Variants in ARHGEF17 observed in about 807,000 individuals in gnomAD.
ARHGEF17 encodes the protein 164 kDa Rho-specific guanine-nucleotide exchange factor.
Under a neutral mutation model 174.0 loss-of-function variants are expected in ARHGEF17, and 80 were observed. The observed-to-expected ratio is 0.46, with a 90% CI of 0.38 to 0.55. The LOEUF is 0.55. ARHGEF17 is among the 20% of genes least tolerant of loss of function. The pLI, the probability that ARHGEF17 is intolerant of heterozygous loss-of-function variation, is 0.00. For synonymous variants in ARHGEF17, 1,311 were observed against 1,189.1 expected (o/e 1.10, Z -2.11); for missense variants, 2,886 against 2,839.7 (o/e 1.02, Z -0.37).
Position 73,309,515 on chromosome 11 carries a change from C to T in ARHGEF17, c.877C>T (p.Pro293Ser), listed in dbSNP as rs1210687428. ...GGGCGGCCACCGCTGGGGAGGGAGG[C>T]CCGGGCTCAGGCCTGGAAGCTCCCT... ...GEGGHRWGGRPGLRPGSSLLD... is the reference protein window; with the variant it reads ...GEGGHRWGGRSGLRPGSSLLD... The change falls in exon 1 of 21, where the codon CCC becomes TCC. Residue 293 changes from proline (P) to serine (S), a missense_variant. Physicochemically the swap from Pro to Ser is moderately conservative, Grantham distance 74 (BLOSUM62 -1). Transcript: ENST00000263674. 5 of 1,561,584 alleles carry T rather than the reference C, an allele frequency of 3.2e-6. No homozygotes were observed. The highest frequency in any genetic ancestry group is 2.3e-5 in the East Asian group (1 of 44,072).
chr11:73,310,917 T>C lies in ARHGEF17; in HGVS notation c.2279T>C (p.Leu760Pro). Residue 760 changes from leucine to proline, a missense_variant, in exon 1 of 21, where the codon CTG (leucine) becomes CCG (proline). Physicochemically the swap from Leu to Pro is moderately conservative, Grantham distance 98 (BLOSUM62 -3). Around this residue, in one of 4 missense-constraint regions of ARHGEF17, gnomAD observed 1,728 missense variants for 1,461.2 expected, o/e 1.18. Coordinates refer to ENST00000263674, the MANE Select transcript of ARHGEF17 (RefSeq NM_014786.4). Reference sequence around the variant, plus strand: ...GGGTTCTCTGTGGACAGCAACCTCCTGGGCTCACTGAGCCCCAAGACAGGG... The same window carrying C: ...GGGTTCTCTGTGGACAGCAACCTCCCGGGCTCACTGAGCCCCAAGACAGGG... ...PTGFSVDSNL[L>P]GSLSPKTGLP... is the part of the protein sequence containing the mutation. 6.2e-7 allele frequency: 1 copy of C among 1,613,854 alleles called. No homozygotes were observed. The highest frequency in any genetic ancestry group is 8.5e-7 in the Non-Finnish European group (1 of 1,179,930).
chr11:73,356,905 G>C lies in ARHGEF17; in HGVS notation c.3892-120G>C. On this transcript the variant is annotated intron_variant, in intron 7 of 20. Transcript: ENST00000263674. ...GTCCCCACTCTGCTCTGACTCTCTG[G>C]GAAGCTGGGGAAGAGCCCTCACTCT... 2.0e-6 allele frequency: 3 copies of C among 1,479,512 alleles called. No individual in the cohort carries two copies. In the Middle Eastern group the frequency reaches 5.2e-4, roughly 255 times the overall value. The allele number at this position is 1,479,512 out of a possible 1,614,324, so 91.6% of individuals were successfully genotyped here. A position where few individuals can be genotyped will look rare whatever the true frequency, so the allele number is the denominator to read the frequency against.
intron 9 of ARHGEF17, among the ~76,000 whole-genome samples, 160 bp from the exon 10 acceptor site, chr11:73,359,674 C>T (rs1246314845): frequency 6.6e-6 from 1 of 152,248 alleles, no homozygotes; most frequent in Admixed American, 6.5e-5. Flanking sequence ...AGGGAGCTGC[C>T]TGTTAACTTT....
rs1304378514 is a variant in ARHGEF17, at chr11:73,309,417, A to T, written c.779A>T (p.Gln260Leu). Residue 260 changes from glutamine (Q) to leucine (L), a missense_variant, in exon 1 of 21, where the codon CAG (glutamine) becomes CTG (leucine). Physicochemically the swap from Gln to Leu is moderately radical, Grantham distance 113. This residue lies in a region of ARHGEF17 where 1,728 missense variants were observed against 1,461.2 expected (regional missense o/e 1.18). Coordinates refer to ENST00000263674, the MANE Select transcript of ARHGEF17 (RefSeq NM_014786.4). ...GAGGAGGAAGAGGAGGGCCCGCCGC[A>T]GCTGCCTGGAGCCCAGAGTCCGGCC... Reference protein sequence around the residue: ...SSEEEEEGPPQLPGAQSPAYH... With the variant: ...SSEEEEEGPPLLPGAQSPAYH... The T allele has an allele frequency of 1.9e-6, 3 of 1,546,164 alleles. No homozygotes were observed. The highest frequency in any genetic ancestry group is 2.6e-6 in the Non-Finnish European group (3 of 1,144,040).
intron 1 of ARHGEF17, among the ~76,000 whole-genome samples, chr11:73,323,139 C>T (rs1266844461): frequency 1.3e-5 from 2 of 152,140 alleles, no homozygotes; most frequent in African/African-American, 4.8e-5. Context: ...CCCTGCCTCT[C>T]AGGGGGGTCC....
chr11:73,356,247 C>T lies in ARHGEF17; in HGVS notation c.3736C>T (p.Gln1246Ter). 1 of 1,613,932 alleles carries T rather than the reference C, an allele frequency of 6.2e-7. No homozygotes were observed. Among genetic ancestry groups the T allele is most frequent in the Non-Finnish European group, 8.5e-7 (1 of 1,180,038 alleles). Residue 1246 changes from glutamine to a stop codon, truncating the protein, a stop_gained, in exon 6 of 21, where the codon CAG (glutamine) becomes TAG (stop). Coordinates refer to ENST00000263674, the MANE Select transcript of ARHGEF17 (RefSeq NM_014786.4). LOFTEE classifies it high-confidence loss of function. ...LLLEAQRNIKQVAERINKGVR... is the reference protein window; with the variant it reads ...LLLEAQRNIK ...GCTGGAGGCGCAGCGGAACATCAAG[C>T]AGGTGGCTGAGCGCATCAACAAGGG...
At chr11:73,333,396 A>G (rs1865240719) in intron 1 of ARHGEF17, among the ~76,000 whole-genome samples, 2 of 152,240 alleles carry the variant, frequency 1.3e-5, no homozygotes, top group African/African-American at 4.8e-5. Context: ...ACACGTAACT[A>G]TCGCTGTCCA....
chr11:73,357,666 G>C (rs910866137), intron 9 of ARHGEF17, among the ~76,000 whole-genome samples: 1 of 152,246 alleles, frequency 6.6e-6, no homozygotes, highest in African/African-American at 2.4e-5. Context: ...ATGTTGCACT[G>C]TCTGGTTCAG....
chr11:73,341,637 A>G (rs1377518968), intron 1 of ARHGEF17, among the ~76,000 whole-genome samples: 9 of 152,218 alleles, frequency 5.9e-5, no homozygotes, highest in African/African-American at 2.2e-4. Flanking sequence ...GGAAAAGAAA[A>G]AGCATTACTA....
intron 2 of ARHGEF17, among the ~76,000 whole-genome samples, chr11:73,349,115 T>A (rs1009194865): frequency 2.6e-5 from 4 of 152,156 alleles, no homozygotes; most frequent in African/African-American, 4.8e-5. Flanking sequence ...GCAGCCAGAA[T>A]GCCAGGCAGG....
Position 73,363,190 on chromosome 11 carries a change from C to G in ARHGEF17, c.4997-16C>G. On this transcript the variant is annotated splice_polypyrimidine_tract_variant and intron_variant, in intron 14 of 20. Transcript: ENST00000263674. ...TGGCAGAGGGAAATGGAGACAGAGA[C>G]CTTTGTCTCCCTCAGATGAGGAGAC... The G allele has an allele frequency of 6.6e-7, 1 of 1,525,960 alleles. No homozygotes were observed. The highest frequency in any genetic ancestry group is 2.3e-5 in the East Asian group (1 of 43,296). 94.5% of individuals were successfully genotyped at this position (1,525,960 alleles called of 1,614,324 possible).
At chr11:73,317,528 G>C (rs1864948534) in intron 1 of ARHGEF17, among the ~76,000 whole-genome samples, 1 of 152,234 alleles carries the variant, frequency 6.6e-6, no homozygotes, top group Non-Finnish European at 1.5e-5. Flanking sequence ...AGCAGGGTGG[G>C]GGAAGGGGGA....
Position 73,310,859 on chromosome 11 carries a change from C to T in ARHGEF17, c.2221C>T (p.Arg741Cys), listed in dbSNP as rs752637290. The change falls in exon 1 of 21, where the codon CGC becomes TGC. Residue 741 changes from arginine (R) to cysteine (C), a missense_variant. Transcript: ENST00000263674. Reference protein sequence around the residue: ...YRSLSDPIPQRHRAATSEEPT... With the variant: ...YRSLSDPIPQCHRAATSEEPT... The stretch of plus-strand genomic sequence containing the variant: ...GTCCCTGAGTGACCCAATTCCTCAG[C>T]GCCACCGGGCTGCCACCTCTGAAGA... 2.4e-5 allele frequency: 38 copies of T among 1,611,706 alleles called. No homozygotes were observed. In the East Asian group the frequency reaches 4.0e-4, roughly 17 times the overall value.
Position 73,310,750 on chromosome 11 carries a change from T to A in ARHGEF17, c.2112T>A (p.Gly704=). Residue 704 remains glycine (G), a synonymous_variant, in exon 1 of 21, where the codon GGT becomes GGA. Transcript: ENST00000263674. ...CGCCTGAGACCCCTCCCACACCAGG[T>A]GCCCTCCGCCGACGACGCAAAGTCC... ...LVSPETPPTP[G]ALRRRRKVPP... is the part of the protein sequence containing the mutation. 6.2e-7 allele frequency: 1 copy of A among 1,611,336 alleles called. No individual in the cohort carries two copies.
chr11:73,364,789 A>G (rs1865808815), intron 18 of ARHGEF17, 189 bp downstream of exon 18: 2 of 685,888 alleles, frequency 2.9e-6, no homozygotes, highest in African/African-American at 1.8e-5. Flanking sequence ...CTGATGAGGA[A>G]TACAGTAAGT....
chr11:73,310,389 C>G lies in ARHGEF17; in HGVS notation c.1751C>G (p.Pro584Arg). The G allele has an allele frequency of 6.2e-7, 1 of 1,613,930 alleles. No individual in the cohort carries two copies. Among genetic ancestry groups the G allele is most frequent in the African/African-American group, 1.3e-5 (1 of 75,064 alleles). Residue 584 changes from proline to arginine, a missense_variant, in exon 1 of 21, where the codon CCC becomes CGC. By Grantham distance (103) the Pro-to-Arg change is moderately radical (BLOSUM62 -2). Transcript: ENST00000263674. ...TGPGAEEDPL[P>R]LIVQDQYVQE... ...CCTGGTGCCGAGGAGGATCCGCTGCCCCTCATCGTCCAGGACCAATATGTG... is the reference window on the plus strand; with the variant it reads ...CCTGGTGCCGAGGAGGATCCGCTGCGCCTCATCGTCCAGGACCAATATGTG...
chr11:73,320,628 C>CAAAA (rs1165583721), intron 1 of ARHGEF17, among the ~76,000 whole-genome samples: 12 of 57,630 alleles, frequency 2.1e-4, no homozygotes, highest in African/African-American at 4.4e-4. Context: ...GACTCCGTCT[C>CAAAA]AAAAAAAAAA....
chr11:73,357,440 G>A lies in ARHGEF17; in HGVS notation c.4087+113G>A, dbSNP rs1220715933. The stretch of plus-strand genomic sequence containing the variant: ...CTGTCCAGCTGCTTTTCCACTTTTG[G>A]GCCTCGCTCTCTCATCCAGTGCAAG... On this transcript the variant is annotated intron_variant, in intron 9 of 20. Transcript: ENST00000263674. The A allele has an allele frequency of 5.0e-6, 5 of 990,496 alleles. No individual in the cohort carries two copies. In the South Asian group the frequency reaches 6.5e-5, roughly 13 times the overall value. The allele number at this position is 990,496 out of a possible 1,614,324, so 61.4% of individuals were successfully genotyped here.
Position 73,364,168 on chromosome 11 carries a change from C to T in ARHGEF17, c.5334-4C>T. On this transcript the variant is annotated splice_region_variant and splice_polypyrimidine_tract_variant and intron_variant, in intron 16 of 20. Transcript: ENST00000263674. ...CCTTACTGCTTCCTCTTTTCCCTAC[C>T]CAGGTATCTGAATAACCAGGTGTTT... 1 of 1,614,054 alleles carries T rather than the reference C, an allele frequency of 6.2e-7. No homozygotes were observed. Among genetic ancestry groups the T allele is most frequent in the Non-Finnish European group, 8.5e-7 (1 of 1,179,998 alleles).
Sources: gnomAD v4.1 joint callset for allele counts (sites outside exome capture counted in the v4.1 genomes callset) on GRCh38, gnomAD v4.1.1 for gene constraint, gnomAD v4.1.1 regional missense constraint, MANE v1.5 for transcripts, NCBI Gene and HGNC (gene_info 2026-07-23, HGNC 2026-07-21) for gene names.